Variants in UCHL1 observed in about 807,000 individuals in gnomAD.
UCHL1 encodes ubiquitin carboxyl-terminal hydrolase isozyme L1.
In UCHL1, 5 loss-of-function variants were observed where a neutral mutation model predicts 33.3. The ratio of observed to expected loss-of-function variants is 0.15; its 90% CI spans 0.08 to 0.32. The LOEUF is 0.32. Among genes scored for constraint, UCHL1 ranks in the 10% least tolerant of loss-of-function variants. UCHL1 has a pLI of 1.00. For synonymous variants in UCHL1, 132 were observed against 108.8 expected, an observed-to-expected ratio of 1.21 and a Z score of -1.33; for missense variants, 236 against 280.0, an observed-to-expected ratio of 0.84 and a Z score of 1.12.
At chr4:41,260,879 G>A (rs1781059083) in intron 4 of UCHL1, 82 bp downstream of exon 4, 4 of 1,593,400 alleles carry the variant, frequency 2.5e-6, no homozygotes, top group Non-Finnish European at 2.6e-6. Context: ...CCCGAGGTCA[G>A]AGATGCTGTA....
intron 6 of UCHL1, 46 bp downstream of exon 6, chr4:41,261,969 G>T: frequency 6.2e-7 from 1 of 1,607,246 alleles, no homozygotes; most frequent in South Asian, 1.1e-5. Context: ...GGTGCCATCT[G>T]TGTTTCTACT....
rs774059700 is a variant in UCHL1, at chr4:41,261,820, A to G, written c.411+20A>G. The stretch of plus-strand genomic sequence containing the variant: ...AATGAGGTAAGAGAACTTACAGAGC[A>G]TGGCCTTTAAATAACTCTAGAGATT... On this transcript the variant is annotated intron_variant, in intron 5 of 8. Transcript: ENST00000284440. 6.2e-7 allele frequency: 1 copy of G among 1,614,210 alleles called. No homozygotes were observed. The highest frequency in any genetic ancestry group is 8.5e-7 in the Non-Finnish European group (1 of 1,180,034).
In UCHL1 at chr4:41,264,394, G is replaced by A. The variant is rs563074621; in HGVS notation, c.585+233G>A. The stretch of plus-strand genomic sequence containing the variant: ...TAATCTGTTTCATGTGTTGTCTTTA[G>A]TCCACAGTTAGAATTAGCCTGAAAG... On this transcript the variant is annotated intron_variant, in intron 8 of 8. Transcript: ENST00000284440. 6.3e-5 allele frequency: 37 copies of A among 584,472 alleles called. No homozygotes were observed. In the South Asian group the frequency reaches 7.3e-4, roughly 12 times the overall value. The allele number at this position is 584,472 out of a possible 1,614,324, so 36.2% of individuals were successfully genotyped here.
chr4:41,262,711 A>G (rs935317275), intron 6 of UCHL1, among the ~76,000 whole-genome samples: 5 of 151,766 alleles, frequency 3.3e-5, no homozygotes, highest in African/African-American at 1.2e-4. Flanking sequence ...CACTGCAGCA[A>G]TTCTCTCATC....
At chr4:41,264,620 T>TA (rs1228546038) in intron 8 of UCHL1, among the ~76,000 whole-genome samples, 22 of 152,148 alleles carry the variant, frequency 1.4e-4, no homozygotes, top group Non-Finnish European at 2.9e-4. Context: ...GGTCTACTGT[T>TA]ACAAGAACAA....
intron 8 of UCHL1, among the ~76,000 whole-genome samples, chr4:41,265,629 C>T (rs1781140100): frequency 6.6e-6 from 1 of 152,092 alleles, no homozygotes; most frequent in Non-Finnish European, 1.5e-5. Flanking sequence ...TGTTCTTAGC[C>T]ATTGTACAAT....
chr4:41,261,379 T>TTTGTA (rs1781066024), intron 4 of UCHL1, among the ~76,000 whole-genome samples: 1 of 152,176 alleles, frequency 6.6e-6, no homozygotes, highest in Non-Finnish European at 1.5e-5. Context: ...AAATCTCAAA[T>TTTGTA]ATGTTTTACA....
chr4:41,258,990 A>G (rs1044908751), intron 3 of UCHL1, among the ~76,000 whole-genome samples: 1 of 152,238 alleles, frequency 6.6e-6, no homozygotes, highest in Non-Finnish European at 1.5e-5. Flanking sequence ...TTTGAGCAGC[A>G]TTCAGAGGCA....
chr4:41,268,050 G>C lies in UCHL1; in HGVS notation c.649G>C (p.Val217Leu), dbSNP rs770039881. The C allele has an allele frequency of 6.2e-7, 1 of 1,613,420 alleles. No individual in the cohort carries two copies. The highest frequency in any genetic ancestry group is 8.5e-7 in the Non-Finnish European group (1 of 1,179,764). ...GCAAGGAGAAGTCCGCTTCTCTGCC[G>C]TGGCTCTCTGCAAGGCAGCCTAATG... ...REQGEVRFSA[V>L]ALCKAA is the part of the protein sequence containing the mutation. The change falls in exon 9 of 9, where the codon GTG (valine) becomes CTG (leucine). Residue 217 changes from valine (V) to leucine (L), a missense_variant. Coordinates refer to ENST00000284440, the MANE Select transcript of UCHL1 (RefSeq NM_004181.5).
At chr4:41,266,238 T>G (rs1277454730) in intron 8 of UCHL1, among the ~76,000 whole-genome samples, 1 of 151,810 alleles carries the variant, frequency 6.6e-6, no homozygotes, top group African/African-American at 2.4e-5. Context: ...TTTTTTTTTT[T>G]TTTTTTTTTA....
Position 41,264,136 on chromosome 4 carries a change from C to T in UCHL1, c.560C>T (p.Ala187Val). The change falls in exon 8 of 9, where the codon GCC becomes GTC. Residue 187 changes from alanine (A) to valine (V), a missense_variant. By Grantham distance (64) the Ala-to-Val change is moderately conservative. Transcript: ENST00000284440. ...GRMPFPVNHG[A>V]SSEDTLLKDA... ...ATGCCTTTTCCGGTGAACCATGGCGCCAGTTCAGAGGACACCCTGCTGAAG... is the reference window on the plus strand; with the variant it reads ...ATGCCTTTTCCGGTGAACCATGGCGTCAGTTCAGAGGACACCCTGCTGAAG... 1.2e-6 allele frequency: 2 copies of T among 1,614,180 alleles called. No homozygotes were observed. Among genetic ancestry groups the T allele is most frequent in the South Asian group, 2.2e-5 (2 of 91,080 alleles).
At chr4:41,262,537 G>C (rs1051453430) in intron 6 of UCHL1, among the ~76,000 whole-genome samples, 4 of 152,014 alleles carry the variant, frequency 2.6e-5, no homozygotes, top group Non-Finnish European at 4.4e-5. Context: ...AATGCCCAAC[G>C]AAGGACAAGT....
rs901082145 is a variant in UCHL1, at chr4:41,256,931, T to G, written c.-46T>G. 2 of 1,613,810 alleles carry G rather than the reference T, an allele frequency of 1.2e-6. No homozygotes were observed. The highest frequency in any genetic ancestry group is 1.7e-6 in the Non-Finnish European group (2 of 1,179,984). On this transcript the variant is annotated 5_prime_UTR_variant, in exon 1 of 9. Transcript: ENST00000284440. The stretch of plus-strand genomic sequence containing the variant: ...CTGCAGCCTGGGCGGCTCCGCTAGC[T>G]GTTTTTCGTCTTCCCTAGGCTATTT...
chr4:41,268,201 C>A lies in UCHL1; in HGVS notation c.*128C>A. ...CTGTTCTTCTGTTCTGCAGACACGC[C>A]TTCCCCTCAGCCACACCCAGGCACT... On this transcript the variant is annotated 3_prime_UTR_variant, in exon 9 of 9. Transcript: ENST00000284440. 1 of 913,078 alleles carries A rather than the reference C, an allele frequency of 1.1e-6. No homozygotes were observed. Among genetic ancestry groups the A allele is most frequent in the Non-Finnish European group, 1.7e-6 (1 of 577,884 alleles). 56.6% of individuals were successfully genotyped at this position (913,078 alleles called of 1,614,324 possible). A position where few individuals can be genotyped will look rare whatever the true frequency, so the allele number is the denominator to read the frequency against.
At chr4:41,265,256 A>G (rs1781133279) in intron 8 of UCHL1, among the ~76,000 whole-genome samples, 1 of 152,208 alleles carries the variant, frequency 6.6e-6, no homozygotes, top group African/African-American at 2.4e-5. Flanking sequence ...CCTGAGGTCA[A>G]GGACTTACAT....
chr4:41,261,783 T>C lies in UCHL1; in HGVS notation c.394T>C (p.Cys132Arg). ...AATGTCCCCTGAAGACAGAGCAAAA[T>C]GCTTTGAAAAGAATGAGGTAAGAGA... The part of the protein sequence containing the change: ...EKMSPEDRAK[C>R]FEKNEAIQAA... Residue 132 changes from cysteine (C) to arginine (R), a missense_variant, in exon 5 of 9, where the codon TGC (cysteine) becomes CGC (arginine). Coordinates refer to ENST00000284440, the MANE Select transcript of UCHL1 (RefSeq NM_004181.5). The C allele has an allele frequency of 6.2e-7, 1 of 1,614,030 alleles. No homozygotes were observed. Among genetic ancestry groups the C allele is most frequent in the Non-Finnish European group, 8.5e-7 (1 of 1,180,016 alleles).
At chr4:41,263,333 T>C (rs777587080) in intron 7 of UCHL1, 42 bp downstream of exon 7, 20 of 1,563,892 alleles carry the variant, frequency 1.3e-5, no homozygotes, top group African/African-American at 4.1e-5. Context: ...TAGTTTCATG[T>C]GTTCTTTCAG....
chr4:41,257,732 G>T lies in UCHL1; in HGVS notation c.169G>T (p.Ala57Ser). Reference sequence around the variant, plus strand: ...GCTGCTGCTGCTGTTTCCCCTCACGGCCCAGGTAGGGCGTGGGGCCCAGGA... The same window carrying T: ...GCTGCTGCTGCTGTTTCCCCTCACGTCCCAGGTAGGGCGTGGGGCCCAGGA... ...CALLLLFPLTAQHENFRKKQI... is the reference protein window; with the variant it reads ...CALLLLFPLTSQHENFRKKQI... The change falls in exon 3 of 9, where the codon GCC becomes TCC. Residue 57 changes from alanine (A) to serine (S), a missense_variant. Coordinates refer to ENST00000284440, the MANE Select transcript of UCHL1 (RefSeq NM_004181.5). 1 of 1,576,462 alleles carries T rather than the reference G, an allele frequency of 6.3e-7. No homozygotes were observed. The highest frequency in any genetic ancestry group is 1.8e-5 in the Admixed American group (1 of 56,162).
chr4:41,259,476 A>G (rs1781036588), intron 3 of UCHL1, among the ~76,000 whole-genome samples: 1 of 152,222 alleles, frequency 6.6e-6, no homozygotes, highest in Non-Finnish European at 1.5e-5. Flanking sequence ...TTGAGGATCC[A>G]GTTAGATAGA....
Sources: gnomAD v4.1 joint callset for allele counts (sites outside exome capture counted in the v4.1 genomes callset) on GRCh38, gnomAD v4.1.1 for gene constraint, MANE v1.5 for transcripts, NCBI Gene and HGNC (gene_info 2026-07-23, HGNC 2026-07-21) for gene names.